Variants in C4orf50 observed in about 807,000 individuals in gnomAD.
C4orf50 encodes chromosome 4 open reading frame 50.
Under a neutral mutation model 77.2 loss-of-function variants are expected in C4orf50, and 80 were observed. The ratio of observed to expected loss-of-function variants is 1.04; its 90% confidence interval spans 0.87 to 1.25. The LOEUF is 1.25. Among genes scored for constraint, C4orf50 ranks in the 50% most tolerant of loss-of-function variants. The probability of loss-of-function intolerance (pLI) is 0.00; values close to 1 mark genes in which losing one functional copy is unlikely to be tolerated. For missense variants in C4orf50, 1,257 were observed against 1,152.9 expected (o/e 1.09, Z -1.31); for synonymous variants, 532 against 465.3 (o/e 1.14, Z -1.84).
chr4:5,914,592 C>T (rs574177505), intron 7 of C4orf50, among the ~76,000 whole-genome samples: 3 of 152,226 alleles, frequency 2.0e-5, no homozygotes, highest in Non-Finnish European at 4.4e-5. Context: ...TTAATTATCA[C>T]GGTTTGAATT....
At position 5,967,398 on chromosome 4, in the gene C4orf50, C is replaced by A; in HGVS notation, c.4153+16G>T. ...TCTGAGCACACAGGCTTTTCCTGATCAAAAATCACACTGACCTCTTAAAGC... is the reference window on the plus strand; with the variant it reads ...TCTGAGCACACAGGCTTTTCCTGATAAAAAATCACACTGACCTCTTAAAGC... On this transcript the variant is annotated intron_variant, in intron 32 of 33. Coordinates refer to ENST00000531445, the Ensembl canonical transcript of C4orf50. The A allele has an allele frequency of 1.9e-6, 3 of 1,610,604 alleles. No homozygotes were observed. The highest frequency in any genetic ancestry group is 1.1e-5 in the South Asian group (1 of 90,962).
chr4:5,950,673 T>A (rs925726169), intron 7 of C4orf50, among the ~76,000 whole-genome samples: 1 of 146,192 alleles, frequency 6.8e-6, no homozygotes, highest in African/African-American at 2.6e-5. Flanking sequence ...ATAGAAAAGG[T>A]CACCCTCCTC....
chr4:5,931,321 A>G (rs1215154670), intron 7 of C4orf50, among the ~76,000 whole-genome samples: 1 of 152,182 alleles, frequency 6.6e-6, no homozygotes, highest in African/African-American at 2.4e-5. Flanking sequence ...CCTAGTAAGT[A>G]TCAGTTAGGG....
At chr4:6,006,438 C>T (rs1560600867) in intron 25 of C4orf50, among the ~76,000 whole-genome samples, 1 of 152,196 alleles carries the variant, frequency 6.6e-6, no homozygotes, top group Non-Finnish European at 1.5e-5. Flanking sequence ...TTTGGACTCT[C>T]ATCAAATTTT....
chr4:5,990,154 T>C, exon 28 of C4orf50: 1 of 1,255,516 alleles, frequency 8.0e-7, no homozygotes, highest in Non-Finnish European at 1.0e-6. Context: ...TACTGAGGCC[T>C]CCCCCTGTAG....
At chr4:5,936,034 T>C (rs890259856) in intron 7 of C4orf50, among the ~76,000 whole-genome samples, 1 of 152,074 alleles carries the variant, frequency 6.6e-6, no homozygotes, top group Non-Finnish European at 1.5e-5. Context: ...TTTATCTATA[T>C]GGATTTATTT....
intron 7 of C4orf50, among the ~76,000 whole-genome samples, chr4:5,936,389 C>A (rs577190729): frequency 1.3e-5 from 2 of 151,920 alleles, no homozygotes; most frequent in East Asian, 1.9e-4. Context: ...TGGTGAAACC[C>A]TGTCTCTACT....
intron 7 of C4orf50, among the ~76,000 whole-genome samples, chr4:5,929,304 C>A (rs1199904445): frequency 6.6e-6 from 1 of 152,210 alleles, no homozygotes; most frequent in Non-Finnish European, 1.5e-5. Context: ...CGCCTGTCAG[C>A]AGACGTTTTT....
chr4:5,994,066 C>T (rs1721441774), intron 26 of C4orf50, among the ~76,000 whole-genome samples: 1 of 152,138 alleles, frequency 6.6e-6, no homozygotes, highest in Non-Finnish European at 1.5e-5. Context: ...CCTATGAGGC[C>T]CCCTGGCTGG....
intron 7 of C4orf50, among the ~76,000 whole-genome samples, chr4:5,931,739 T>G (rs1222155866): frequency 6.6e-6 from 1 of 152,070 alleles, no homozygotes; most frequent in African/African-American, 2.4e-5. Context: ...CAGGAAGGCT[T>G]CTGAGGAGCC....
At chr4:5,922,409 T>C (rs564197131) in intron 7 of C4orf50, among the ~76,000 whole-genome samples, 3 of 152,332 alleles carry the variant, frequency 2.0e-5, no homozygotes, top group South Asian at 4.1e-4. Flanking sequence ...TACTGCACAG[T>C]AGTCAGCTTT....
At position 6,000,769 on chromosome 4, in the gene C4orf50, G is replaced by C. The variant is rs999053154; in HGVS notation, c.964-6293C>G. Among the ~76,000 whole-genome samples the C allele has an allele frequency of 6.6e-6, 1 of 152,106 alleles. No individual in the cohort carries two copies. The highest frequency in any genetic ancestry group is 1.9e-4 in the East Asian group (1 of 5,178). Reference sequence around the variant, plus strand: ...ATCAAATCCTGACTGTTGACCTGTTGACCAGTATTTACTGAAGAAACAGGG... The same window carrying C: ...ATCAAATCCTGACTGTTGACCTGTTCACCAGTATTTACTGAAGAAACAGGG... On this transcript the variant is annotated intron_variant, in intron 25 of 33. Transcript: ENST00000531445. This position sits in a 1 kb window ranked among gnomAD's most constrained non-coding sequence, Gnocchi z 6.0.
Position 5,952,095 on chromosome 4 carries a change from G to A in C4orf50, c.*2474+4806C>T, listed in dbSNP as rs971971804. Among the ~76,000 whole-genome samples the A allele has an allele frequency of 2.6e-5, 4 of 152,224 alleles. No individual in the cohort carries two copies. The highest frequency in any genetic ancestry group is 4.4e-5 in the Non-Finnish European group (3 of 68,040). ...GTTCATGGAGTCATTCAACAAGCAT[G>A]TATTAAGCCCTGGGAGGAGCCAGGC... On this transcript the variant is annotated intron_variant, in intron 7 of 7. Coordinates refer to the C4orf50 transcript ENST00000324058. The surrounding 1 kb of genome is among the most constrained non-coding windows in gnomAD (Gnocchi z 4.4).
At chr4:5,927,625 C>CTCTG (rs1717575181) in intron 7 of C4orf50, among the ~76,000 whole-genome samples, 1 of 150,502 alleles carries the variant, frequency 6.6e-6, no homozygotes, top group Non-Finnish European at 1.5e-5. Flanking sequence ...CCTGCTCTCC[C>CTCTG]TCTGTCTCTC....
At chr4:5,930,388 T>C (rs1475991299) in intron 7 of C4orf50, among the ~76,000 whole-genome samples, 1 of 152,206 alleles carries the variant, frequency 6.6e-6, no homozygotes, top group African/African-American at 2.4e-5. Context: ...TTGCTTGACT[T>C]CCTATCCCCG....
intron 26 of C4orf50, 104 bp from the exon 5 acceptor site, chr4:5,993,034 C>A (rs1721381151): frequency 2.5e-6 from 1 of 396,090 alleles, no homozygotes; most frequent in Admixed American, 4.4e-5. Context: ...GATGGCACCC[C>A]CCCCACCCCC....
intron 7 of C4orf50, among the ~76,000 whole-genome samples, chr4:5,944,077 A>G (rs1364647447): frequency 6.6e-6 from 1 of 152,180 alleles, no homozygotes; most frequent in Non-Finnish European, 1.5e-5. Context: ...TCTCTGACAT[A>G]CAGAGACAAA....
chr4:5,968,391 G>C (rs192730057), intron 31 of C4orf50, among the ~76,000 whole-genome samples: 1 of 152,290 alleles, frequency 6.6e-6, no homozygotes, highest in East Asian at 1.9e-4. Context: ...AATACTCTGC[G>C]GCATGGGTTA....
chr4:5,968,873 G>T (rs1251858212), intron 31 of C4orf50, among the ~76,000 whole-genome samples: 2 of 152,124 alleles, frequency 1.3e-5, no homozygotes, highest in African/African-American at 2.4e-5. Flanking sequence ...CTGACTTCTG[G>T]GTGGCCCTGC....
Sources: gnomAD v4.1 joint callset for allele counts (sites outside exome capture counted in the v4.1 genomes callset) on GRCh38, gnomAD v4.1.1 for gene constraint, Gnocchi (gnomAD v3.1) non-coding constraint, MANE v1.5 for transcripts, NCBI Gene and HGNC (gene_info 2026-07-23, HGNC 2026-07-21) for gene names.